Variants in ACOT12 observed in about 807,000 individuals in gnomAD.
ACOT12 encodes acyl-CoA thioesterase 12, also known as acetyl-coenzyme A thioesterase.
Under a neutral mutation model 67.7 loss-of-function variants are expected in ACOT12, and 51 were observed. That is an observed-to-expected ratio of 0.75 (90% confidence interval 0.60 to 0.95). The LOEUF (loss-of-function observed/expected upper bound fraction) is 0.95, where lower values mean the gene tolerates loss of function less well. Among genes scored for constraint, ACOT12 ranks in the 40% least tolerant of loss-of-function variants. The pLI, the probability that ACOT12 is intolerant of heterozygous loss-of-function variation, is 0.00. For missense variants in ACOT12, 734 were observed against 708.1 expected (o/e 1.04, Z -0.41); for synonymous variants, 251 against 244.6 (o/e 1.03, Z -0.24).
In ACOT12 at chr5:81,331,482, A is replaced by G. The variant is rs189528540; in HGVS notation, c.1392-542T>C. Among the ~76,000 whole-genome samples, 22 of 152,366 alleles carry G rather than the reference A, an allele frequency of 1.4e-4. No individual in the cohort carries two copies. In the East Asian group the frequency reaches 4.2e-3, roughly 29 times the overall value. ...AACCCGGGAGGCAGAAGTTGCAGTG[A>G]GCTGAGATTGTGCCATTGCACTCCA... On this transcript the variant is annotated intron_variant, in intron 13 of 14. Transcript: ENST00000307624.
At chr5:81,343,920 T>TC (rs1435712274) in intron 9 of ACOT12, 39 bp from the exon 10 acceptor site, 1 of 1,564,226 alleles carries the variant, frequency 6.4e-7, no homozygotes, top group African/African-American at 1.4e-5. Flanking sequence ...ACAGTTTTTT[T>TC]CTCTGCATTT....
intron 3 of ACOT12, 74 bp downstream of exon 3, chr5:81,371,676 C>T: frequency 7.0e-7 from 1 of 1,418,684 alleles, no homozygotes; most frequent in South Asian, 1.2e-5. Context: ...TTAGTCTAGG[C>T]CTCCTGCTCT....
chr5:81,358,942 C>G (rs1209394468), intron 5 of ACOT12, among the ~76,000 whole-genome samples: 1 of 152,044 alleles, frequency 6.6e-6, no homozygotes, highest in Non-Finnish European at 1.5e-5. Flanking sequence ...TTTTTCAACC[C>G]GTAAGTCTTC....
At chr5:81,347,973 T>C (rs776647035) in intron 5 of ACOT12, 43 bp from the exon 6 acceptor site, 88 of 1,587,224 alleles carry the variant, frequency 5.5e-5, no homozygotes, top group East Asian at 1.1e-4. Context: ...GAGTGAACCA[T>C]AGGCCCTGGG....
rs572135567 is a variant in ACOT12, at chr5:81,373,748, A to C, written c.198-1938T>G. Among the ~76,000 whole-genome samples the C allele has an allele frequency of 4.6e-5, 7 of 152,328 alleles. No homozygotes were observed. The East Asian group carries it at 1.4e-3, about 29-fold the overall frequency. On this transcript the variant is annotated intron_variant, in intron 2 of 14. Coordinates refer to ENST00000307624, the MANE Select transcript of ACOT12 (RefSeq NM_130767.3). ...TTACCCTTACAGTGTAAACAAAGCC[A>C]CCAGGAAGTTCAAAGTGAGCAAAGC... is the stretch of plus-strand genomic sequence containing the variant.
chr5:81,372,961 C>A (rs1356518008), intron 2 of ACOT12, among the ~76,000 whole-genome samples: 3 of 152,212 alleles, frequency 2.0e-5, no homozygotes, highest in Non-Finnish European at 2.9e-5. Context: ...AATAAAAAAT[C>A]CCTGTCATTA....
At chr5:81,312,818 A>C in the ACOT12 span, 1 of 540,016 alleles carries the variant, frequency 1.9e-6, no homozygotes. Flanking sequence ...TATTCTGTCT[A>C]TCAAATAGTA....
intron 11 of ACOT12, among the ~76,000 whole-genome samples, chr5:81,341,387 A>G (rs1401334436): frequency 6.6e-6 from 1 of 152,278 alleles, no homozygotes; most frequent in Non-Finnish European, 1.5e-5. Flanking sequence ...TCAATGAAGT[A>G]GCATCTGAAT....
intron 9 of ACOT12, 49 bp downstream of exon 9, chr5:81,344,111 G>A: frequency 6.4e-7 from 1 of 1,574,650 alleles, no homozygotes; most frequent in Non-Finnish European, 8.7e-7. Context: ...TATATAATTT[G>A]TCAGATTAAC....
chr5:81,365,427 A>G (rs952154489), intron 3 of ACOT12, among the ~76,000 whole-genome samples: 3 of 152,206 alleles, frequency 2.0e-5, no homozygotes, highest in African/African-American at 4.8e-5. Context: ...CCTCAATCCC[A>G]CACAGCTTTC....
At chr5:81,384,017 G>C (rs1328519001) in intron 2 of ACOT12, among the ~76,000 whole-genome samples, 1 of 151,706 alleles carries the variant, frequency 6.6e-6, no homozygotes, top group African/African-American at 2.4e-5. Context: ...AATGTCTGGG[G>C]CCTTCATATT....
intron 1 of ACOT12, among the ~76,000 whole-genome samples, chr5:81,387,811 C>G (rs1281697977): frequency 6.6e-6 from 1 of 152,192 alleles, no homozygotes; most frequent in Admixed American, 6.5e-5. Context: ...CCTCAAAGCA[C>G]TGGAATTACA....
the ACOT12 span, among the ~76,000 whole-genome samples, chr5:81,324,661 A>G: frequency 6.6e-6 from 1 of 152,218 alleles, no homozygotes; most frequent in Non-Finnish European, 1.5e-5. Flanking sequence ...GAACAGGAAG[A>G]ACCACAAGAA....
intron 3 of ACOT12, among the ~76,000 whole-genome samples, chr5:81,370,308 C>G: frequency 6.6e-6 from 1 of 152,046 alleles, no homozygotes; most frequent in East Asian, 1.9e-4. Context: ...AAGAAAGTGA[C>G]CACATCAGGG....
intron 1 of ACOT12, among the ~76,000 whole-genome samples, chr5:81,391,043 G>A (rs1015969217): frequency 6.6e-6 from 1 of 152,186 alleles, no homozygotes; most frequent in Non-Finnish European, 1.5e-5. Context: ...TTTAAAGCAA[G>A]CAGTTAACCT....
At position 81,330,808 on chromosome 5, in the gene ACOT12, A is replaced by G; in HGVS notation, c.1518+6T>C. On this transcript the variant is annotated splice_donor_region_variant and intron_variant, in intron 14 of 14. Transcript: ENST00000307624. ...AATTAATCTGCAGATGTTTCATCAA[A>G]CTTACGATGCATGAATTGCTGTCAA... 1 of 1,612,108 alleles carries G rather than the reference A, an allele frequency of 6.2e-7. No homozygotes were observed. The highest frequency in any genetic ancestry group is 8.5e-7 in the Non-Finnish European group (1 of 1,179,514).
chr5:81,342,551 A>G, intron 11 of ACOT12, 121 bp downstream of exon 11: 1 of 983,038 alleles, frequency 1.0e-6, no homozygotes, highest in Non-Finnish European at 1.6e-6. Flanking sequence ...TCTTAGAAAC[A>G]GTTTCCTCAA....
At chr5:81,376,465 C>G (rs945284049) in intron 2 of ACOT12, among the ~76,000 whole-genome samples, 3 of 149,580 alleles carry the variant, frequency 2.0e-5, no homozygotes, top group African/African-American at 7.5e-5. Context: ...CAAAAGCAAG[C>G]AGAAGACAAT....
At chr5:81,383,573 G>C (rs1760647905) in intron 2 of ACOT12, among the ~76,000 whole-genome samples, 3 of 152,156 alleles carry the variant, frequency 2.0e-5, no homozygotes, top group Admixed American at 1.3e-4. Context: ...ACACTTAAGA[G>C]ACCTATCACC....
Sources: gnomAD v4.1 joint callset for allele counts (sites outside exome capture counted in the v4.1 genomes callset) on GRCh38, gnomAD v4.1.1 for gene constraint, MANE v1.5 for transcripts, NCBI Gene and HGNC (gene_info 2026-07-23, HGNC 2026-07-21) for gene names.